The following CCND3 variants were observed in gnomAD, a reference collection of about 807,000 sequenced individuals.
CCND3 encodes G1/S-specific cyclin-D3.
A neutral mutation model predicts 28.7 loss-of-function variants in CCND3; 9 were observed. The observed-to-expected ratio is 0.31, with a 90% confidence interval of 0.19 to 0.55. The LOEUF (loss-of-function observed/expected upper bound fraction) is 0.55, where lower values mean the gene tolerates loss of function less well. CCND3 is among the 20% of genes least tolerant of loss of function. The pLI is 0.93. For missense variants in CCND3, 315 were observed against 385.8 expected, an observed-to-expected ratio of 0.82 and a Z score of 1.54; for synonymous variants, 164 against 163.9, an observed-to-expected ratio of 1.00 and a Z score of 0.00.
intron 1 of CCND3, among the ~76,000 whole-genome samples, chr6:41,959,196 C>T (rs1761631107): frequency 6.6e-6 from 1 of 152,132 alleles, no homozygotes; most frequent in South Asian, 2.1e-4. Context: ...TACCTGTAAT[C>T]TCAGCTATTC....
At chr6:41,982,576 CT>C (rs1762379006) in intron 1 of CCND3, among the ~76,000 whole-genome samples, 2 of 152,098 alleles carry the variant, frequency 1.3e-5, no homozygotes, top group Admixed American at 1.3e-4. Context: ...TAGTGACAAA[CT>C]GATTGTAAAG....
intron 1 of CCND3, among the ~76,000 whole-genome samples, chr6:42,002,885 G>A (rs887264840): frequency 2.6e-5 from 4 of 151,374 alleles, no homozygotes; most frequent in Admixed American, 6.6e-5. Flanking sequence ...AAGAGAGGCC[G>A]GGTGGGGTGG....
chr6:41,935,379 TTA>T lies in CCND3; in HGVS notation c.*559_*560del. On this transcript the variant is annotated 3_prime_UTR_variant, in exon 5 of 5. Coordinates refer to ENST00000372991, the MANE Select transcript of CCND3 (RefSeq NM_001760.5). ...AGCAGAAAGCAAAGCAAAGAGGAAT[TTA>T]TAGCTTCTCTGGCTGAGGCCTAGGC... is the stretch of plus-strand genomic sequence containing the variant. 1 of 238,564 alleles carries T rather than the reference TTA, an allele frequency of 4.2e-6. No homozygotes were observed. Among genetic ancestry groups the T allele is most frequent in the South Asian group, 1.8e-4 (1 of 5,634 alleles). The allele number at this position is 238,564 out of a possible 1,614,324, so 14.8% of individuals were successfully genotyped here.
intron 1 of CCND3, among the ~76,000 whole-genome samples, chr6:41,964,399 T>G (rs917284513): frequency 4.0e-5 from 6 of 150,838 alleles, no homozygotes; most frequent in African/African-American, 1.5e-4. Context: ...TGTGCATGTG[T>G]GAATGTGTGT....
intron 1 of CCND3, among the ~76,000 whole-genome samples, chr6:41,955,381 T>C (rs1172584145): frequency 1.3e-5 from 2 of 152,104 alleles, no homozygotes; most frequent in East Asian, 3.8e-4. Flanking sequence ...CCAAAGTGCA[T>C]GGTTAGTTTA....
At chr6:42,018,438 G>A (rs1763594089) in intron 1 of CCND3, 1 of 152,030 alleles carries the variant, frequency 6.6e-6, no homozygotes, top group African/African-American at 2.4e-5. Flanking sequence ...GAATTTGCAT[G>A]TCATCCCTGC....
At chr6:42,000,234 C>CTTTT (rs70987562) in intron 1 of CCND3, among the ~76,000 whole-genome samples, 9,842 of 50,540 alleles carry the variant, frequency 0.19, 3,830 homozygotes, top group East Asian at 0.23. Flanking sequence ...TGAAAACATA[C>CTTTT]TTTTTTTTTT....
intron 1 of CCND3, among the ~76,000 whole-genome samples, chr6:41,994,078 C>G (rs1039022279): frequency 6.7e-6 from 1 of 149,564 alleles, no homozygotes; most frequent in East Asian, 2.0e-4. Flanking sequence ...ATATGCCACA[C>G]AGTTTTCGGT....
intron 1 of CCND3, among the ~76,000 whole-genome samples, chr6:41,947,966 G>C (rs2479720): frequency 0.81 from 122,446 of 151,976 alleles, 50,044 homozygotes; most frequent in African/African-American, 0.94. Context: ...CTCCCTCACT[G>C]TGCTCTGGCC....
rs377188844 is a variant in CCND3, at chr6:42,016,593, C to CTTTTT, written c.-46+31903_-46+31907dup. Among the ~76,000 whole-genome samples, 7 of 138,574 alleles carry CTTTTT rather than the reference C, an allele frequency of 5.1e-5. 1 individual carries two copies. The highest frequency in any genetic ancestry group is 7.4e-5 in the Admixed American group (1 of 13,518). 90.9% of individuals were successfully genotyped at this position (138,574 alleles called of 152,430 possible). ...TGTTAGCTGCTATTACTATCTATTA[C>CTTTTT]TTTTTTTTTTTTTTTTTGAGACGGA... is the stretch of plus-strand genomic sequence containing the variant. On this transcript the variant is annotated intron_variant, in intron 1 of 4. Transcript: ENST00000372988.
chr6:41,978,254 G>T (rs182753646), intron 1 of CCND3, among the ~76,000 whole-genome samples: 104 of 151,794 alleles, frequency 6.9e-4, no homozygotes, highest in African/African-American at 2.3e-3. Flanking sequence ...GGCACCTGTA[G>T]TCCCAGCTAC....
intron 1 of CCND3, among the ~76,000 whole-genome samples, chr6:42,021,604 G>C (rs1002563726): frequency 6.6e-6 from 1 of 152,232 alleles, no homozygotes; most frequent in Non-Finnish European, 1.5e-5. Flanking sequence ...CCAGGAGGCA[G>C]GGTATGTGGG....
At chr6:42,030,561 G>A (rs917602547) in intron 1 of CCND3, among the ~76,000 whole-genome samples, 2 of 152,126 alleles carry the variant, frequency 1.3e-5, no homozygotes, top group African/African-American at 4.8e-5. Context: ...CTGACCAGAT[G>A]TGCACAGACC....
At chr6:42,020,912 C>T (rs900478377) in intron 1 of CCND3, among the ~76,000 whole-genome samples, 6 of 152,148 alleles carry the variant, frequency 3.9e-5, no homozygotes, top group African/African-American at 1.2e-4. Context: ...CCACCATGCC[C>T]GGCTAATTTT....
At chr6:42,001,489 G>T (rs1203919987) in intron 1 of CCND3, among the ~76,000 whole-genome samples, 9 of 152,114 alleles carry the variant, frequency 5.9e-5, no homozygotes, top group Admixed American at 5.9e-4. Context: ...GGCACAAAGA[G>T]AATTGATACT....
At position 41,938,932 on chromosome 6, in the gene CCND3, C is replaced by T. The variant is rs1294109306; in HGVS notation, c.414+1438G>A. 1.3e-5 allele frequency among the ~76,000 whole-genome samples: 2 copies of T among 152,170 alleles called. No homozygotes were observed. The highest frequency in any genetic ancestry group is 2.4e-5 in the African/African-American group (1 of 41,444). On this transcript the variant is annotated intron_variant, in intron 2 of 4. Transcript: ENST00000372991. This position sits in a 1 kb window ranked among gnomAD's most constrained non-coding sequence, Gnocchi z 4.6. ...AGGAAGTCTTTTGGGCACTCCACCC[C>T]CAGCTCAGGCAGAGGGAAGAGTACT...
At position 41,936,271 on chromosome 6, in the gene CCND3, G is replaced by A; in HGVS notation, c.712-164C>T. ...AGTTCTCAGAAACTAGCAAGAGGAT[G>A]TGGCAAGGGAGTGTGAGAGCAGCCC... is the stretch of plus-strand genomic sequence containing the variant. On this transcript the variant is annotated intron_variant, in intron 4 of 4. Coordinates refer to ENST00000372991, the MANE Select transcript of CCND3 (RefSeq NM_001760.5). This position sits in a 1 kb window ranked among gnomAD's most constrained non-coding sequence, Gnocchi z 4.4. 1 of 773,942 alleles carries A rather than the reference G, an allele frequency of 1.3e-6. No individual in the cohort carries two copies. Among genetic ancestry groups the A allele is most frequent in the Non-Finnish European group, 2.0e-6 (1 of 496,800 alleles). The allele number at this position is 773,942 out of a possible 1,614,324, so 47.9% of individuals were successfully genotyped here.
chr6:41,999,635 C>T (rs904747402), intron 1 of CCND3, among the ~76,000 whole-genome samples: 1 of 152,132 alleles, frequency 6.6e-6, no homozygotes, highest in South Asian at 2.1e-4. Flanking sequence ...TGGCTCACAC[C>T]TATAATCCCA....
At position 41,938,813 on chromosome 6, in the gene CCND3, C is replaced by T. The variant is rs951992388; in HGVS notation, c.415-1419G>A. On this transcript the variant is annotated intron_variant, in intron 2 of 4. Coordinates refer to ENST00000372991, the MANE Select transcript of CCND3 (RefSeq NM_001760.5). This position sits in a 1 kb window ranked among gnomAD's most constrained non-coding sequence, Gnocchi z 4.6. Reference sequence around the variant, plus strand: ...TGCTCAGTGCGATGCTGAGGCAGGACCTTGCCCTCCTTCCTTGGGCCTCAG... The same window carrying T: ...TGCTCAGTGCGATGCTGAGGCAGGATCTTGCCCTCCTTCCTTGGGCCTCAG... Among the ~76,000 whole-genome samples the T allele has an allele frequency of 2.0e-4, 30 of 152,296 alleles. No individual in the cohort carries two copies. Among genetic ancestry groups the T allele is most frequent in the Non-Finnish European group, 4.3e-4 (29 of 68,026 alleles).
Sources: allele counts gnomAD v4.1 joint callset (sites outside exome capture counted in the v4.1 genomes callset), GRCh38; gene constraint gnomAD v4.1.1; non-coding constraint Gnocchi (gnomAD v3.1); transcripts MANE v1.5; gene names NCBI Gene and HGNC (gene_info 2026-07-23, HGNC 2026-07-21).